Variants in ADAMTS6 observed in about 807,000 individuals in gnomAD.
ADAMTS6 encodes ADAM metallopeptidase with thrombospondin type 1 motif 6, also known as A disintegrin and metalloproteinase with thrombospondin motifs 6.
In ADAMTS6, 23 loss-of-function variants were observed where a neutral mutation model predicts 144.3. That is an observed-to-expected ratio of 0.16 (90% CI 0.11 to 0.23). ADAMTS6 has a LOEUF of 0.23. Ranked by LOEUF, ADAMTS6 falls within the 10% of genes least tolerant of loss-of-function variation. ADAMTS6 has a pLI of 1.00. For missense variants in ADAMTS6, 999 were observed against 1,379.6 expected, an observed-to-expected ratio of 0.72 and a Z score of 4.37; for synonymous variants, 444 against 457.5, an observed-to-expected ratio of 0.97 and a Z score of 0.38.
At chr5:65,248,935 AAT>A (rs1160766581) in intron 14 of ADAMTS6, among the ~76,000 whole-genome samples, 1 of 151,140 alleles carries the variant, frequency 6.6e-6, no homozygotes, top group African/African-American at 2.5e-5. Flanking sequence ...ATATATATAC[AAT>A]ACATCATAAA....
intron 11 of ADAMTS6, among the ~76,000 whole-genome samples, chr5:65,283,694 T>C (rs893556749): frequency 6.6e-5 from 10 of 152,158 alleles, no homozygotes; most frequent in African/African-American, 1.9e-4. Context: ...AACAACACTG[T>C]AGAATATTTA....
At position 65,150,856 on chromosome 5, in the gene ADAMTS6, T is replaced by G. The variant is rs1358658076; in HGVS notation, c.*980A>C. On this transcript the variant is annotated 3_prime_UTR_variant, in exon 25 of 25. Coordinates refer to ENST00000381055, the MANE Select transcript of ADAMTS6 (RefSeq NM_197941.4). ...TTTGCATGGTATCATCTCAGTAAGC[T>G]CAACACACGTGCAGCAATCCAAAGG... The G allele has an allele frequency of 6.6e-6, 1 of 152,564 alleles. No homozygotes were observed. Among genetic ancestry groups the G allele is most frequent in the Non-Finnish European group, 1.5e-5 (1 of 68,044 alleles). 9.5% of individuals were successfully genotyped at this position (152,564 alleles called of 1,614,324 possible).
intron 20 of ADAMTS6, among the ~76,000 whole-genome samples, chr5:65,204,248 A>G (rs1446591126): frequency 6.6e-6 from 1 of 152,254 alleles, no homozygotes; most frequent in Non-Finnish European, 1.5e-5. Flanking sequence ...GAATTTTTGT[A>G]AAAGTAGTTA....
chr5:65,275,637 G>A (rs1459478041), intron 11 of ADAMTS6, among the ~76,000 whole-genome samples: 1 of 151,440 alleles, frequency 6.6e-6, no homozygotes, highest in African/African-American at 2.4e-5. Flanking sequence ...AAACCTGCAG[G>A]TTCTGCACAT....
intron 24 of ADAMTS6, among the ~76,000 whole-genome samples, chr5:65,169,664 A>G (rs1177030051): frequency 6.6e-6 from 1 of 151,166 alleles, no homozygotes; most frequent in Non-Finnish European, 1.5e-5. Flanking sequence ...AGACTGGATT[A>G]AGAAAATGTG....
chr5:65,274,772 C>T (rs1246867340), intron 11 of ADAMTS6, among the ~76,000 whole-genome samples: 1 of 152,170 alleles, frequency 6.6e-6, no homozygotes, highest in African/African-American at 2.4e-5. Flanking sequence ...GCAACCTCCA[C>T]CTCCTGGGTT....
At chr5:65,428,225 C>CAAAAAA (rs759344039) in intron 7 of ADAMTS6, among the ~76,000 whole-genome samples, 3 of 58,384 alleles carry the variant, frequency 5.1e-5, no homozygotes, top group South Asian at 6.6e-4. Context: ...GACTCCATCT[C>CAAAAAA]AAAAAAAAAA....
chr5:65,250,566 C>G (rs1760069469), intron 14 of ADAMTS6, among the ~76,000 whole-genome samples: 1 of 152,174 alleles, frequency 6.6e-6, no homozygotes, highest in African/African-American at 2.4e-5. Flanking sequence ...CACAGATGAC[C>G]TGGAAAACCC....
In ADAMTS6 at chr5:65,268,666, T is replaced by C. The variant is rs143736665; in HGVS notation, c.1620+4674A>G. On this transcript the variant is annotated intron_variant, in intron 12 of 24. Transcript: ENST00000381055. ...ATGGCTTATTCAGGCGAACATCCAA[T>C]GGCTGTAATAGCGATGTCAGACCCC... 4.9e-3 allele frequency among the ~76,000 whole-genome samples: 750 copies of C among 152,320 alleles called. 3 individuals carry two copies. The highest frequency in any genetic ancestry group is 0.014 in the South Asian group (66 of 4,824).
At chr5:65,469,169 T>A in intron 3 of ADAMTS6, among the ~76,000 whole-genome samples, 1 of 152,202 alleles carries the variant, frequency 6.6e-6, no homozygotes. Flanking sequence ...AAAGAAAAAA[T>A]TAATAGGATG....
intron 9 of ADAMTS6, among the ~76,000 whole-genome samples, chr5:65,324,224 G>A (rs1035997557): frequency 1.1e-4 from 17 of 152,146 alleles, no homozygotes; most frequent in Non-Finnish European, 1.9e-4. Flanking sequence ...AAATTGTGCT[G>A]AAGTTACTGG....
At position 65,149,425 on chromosome 5, in the gene ADAMTS6, G is replaced by A. The variant is rs576878726; in HGVS notation, c.*2411C>T. 2 of 152,342 alleles carry A rather than the reference G, an allele frequency of 1.3e-5. No individual in the cohort carries two copies. The highest frequency in any genetic ancestry group is 4.1e-4 in the South Asian group (2 of 4,826). 9.4% of individuals were successfully genotyped at this position (152,342 alleles called of 1,614,324 possible). Reference sequence around the variant, plus strand: ...ACTGTTTCATCCTGTTACATTCTGTGCGTGGCTCCCTCTAGAAAGGCACTC... The same window carrying A: ...ACTGTTTCATCCTGTTACATTCTGTACGTGGCTCCCTCTAGAAAGGCACTC... On this transcript the variant is annotated 3_prime_UTR_variant, in exon 25 of 25. Transcript: ENST00000381055.
At chr5:65,455,130 C>T (rs1282598637) in intron 4 of ADAMTS6, among the ~76,000 whole-genome samples, 3 of 152,178 alleles carry the variant, frequency 2.0e-5, no homozygotes, top group Non-Finnish European at 4.4e-5. Context: ...ATTTTATTTT[C>T]ATTCTTTTGA....
intron 22 of ADAMTS6, among the ~76,000 whole-genome samples, chr5:65,182,481 T>C (rs1754425895): frequency 6.9e-6 from 1 of 144,914 alleles, no homozygotes. Context: ...TGAGAAGACA[T>C]AGCAGCACAA....
intron 7 of ADAMTS6, among the ~76,000 whole-genome samples, chr5:65,372,327 T>G (rs1751038827): frequency 6.6e-6 from 1 of 151,450 alleles, no homozygotes; most frequent in African/African-American, 2.4e-5. Context: ...GGATAAAGAG[T>G]CAAGACCCAT....
At chr5:65,361,683 C>T (rs1393331906) in intron 7 of ADAMTS6, among the ~76,000 whole-genome samples, 2 of 151,988 alleles carry the variant, frequency 1.3e-5, no homozygotes, top group African/African-American at 4.8e-5. Context: ...TATTTAGTCT[C>T]TACCTTTTTG....
At chr5:65,327,956 G>A (rs1389357141) in intron 9 of ADAMTS6, among the ~76,000 whole-genome samples, 1 of 152,096 alleles carries the variant, frequency 6.6e-6, no homozygotes, top group African/African-American at 2.4e-5. Flanking sequence ...ATAAGAGTAT[G>A]ACAGTCATTA....
At chr5:65,216,528 C>T (rs1212197888) in intron 18 of ADAMTS6, among the ~76,000 whole-genome samples, 1 of 151,728 alleles carries the variant, frequency 6.6e-6, no homozygotes, top group African/African-American at 2.4e-5. Flanking sequence ...TAATTGTTCA[C>T]TTCAAATGGT....
intron 22 of ADAMTS6, among the ~76,000 whole-genome samples, chr5:65,183,689 A>G (rs1376836164): frequency 6.6e-6 from 1 of 152,106 alleles, no homozygotes; most frequent in Non-Finnish European, 1.5e-5. Context: ...AAGCAAGATG[A>G]GCCACGGTTA....
Sources: allele counts gnomAD v4.1 joint callset (sites outside exome capture counted in the v4.1 genomes callset), GRCh38; gene constraint gnomAD v4.1.1; transcripts MANE v1.5; gene names NCBI Gene and HGNC (gene_info 2026-07-23, HGNC 2026-07-21).